ITGA5: variants seen among roughly 807,000 people sequenced by gnomAD.
ITGA5 encodes the protein integrin alpha-5.
ITGA5 carries 55 observed loss-of-function variants against 146.3 expected under a neutral mutation model. The ratio of observed to expected loss-of-function variants is 0.38; its 90% CI spans 0.30 to 0.47. The LOEUF (loss-of-function observed/expected upper bound fraction) is 0.47. Ranked by LOEUF, ITGA5 falls within the 20% of genes least tolerant of loss-of-function variation. The pLI, the probability that ITGA5 is intolerant of heterozygous loss-of-function variation, is 0.99. For synonymous variants in ITGA5, 500 were observed against 531.8 expected (o/e 0.94, Z 0.82); for missense variants, 1,131 against 1,329.0 (o/e 0.85, Z 2.32).
chr12:54,414,736 A>G (rs1036813896), intron 1 of ITGA5, among the ~76,000 whole-genome samples: 6 of 151,002 alleles, frequency 4.0e-5, no homozygotes, highest in African/African-American at 7.4e-5. Flanking sequence ...AGTCCCACCT[A>G]CTAGGGAGGC....
At chr12:54,400,802 T>G in intron 25 of ITGA5, 44 bp downstream of exon 25, 1 of 1,598,782 alleles carries the variant, frequency 6.3e-7, no homozygotes, top group Non-Finnish European at 8.5e-7. Context: ...GCCTTGGTCC[T>G]CTGAATCTGC....
At chr12:54,408,281 G>C (rs779059064) in intron 6 of ITGA5, 46 bp from the exon 7 acceptor site, 33 of 1,607,328 alleles carry the variant, frequency 2.1e-5, no homozygotes, top group Non-Finnish European at 2.7e-5. Flanking sequence ...AAGTGGCAGA[G>C]GGGGCTTGGG....
rs1565636358 is a variant in ITGA5, at chr12:54,395,821, A to T, written c.*472T>A. On this transcript the variant is annotated 3_prime_UTR_variant, in exon 30 of 30. Transcript: ENST00000293379. ...GGCCCACCAGGGTGGGGCTGTCCAG[A>T]GCTGCCAGGTCTTAACTCCCCAAGT... 1 of 163,598 alleles carries T rather than the reference A, an allele frequency of 6.1e-6. No individual in the cohort carries two copies. Among genetic ancestry groups the T allele is most frequent in the East Asian group, 1.8e-4 (1 of 5,412 alleles). The allele number at this position is 163,598 out of a possible 1,614,324, so 10.1% of individuals were successfully genotyped here. A position where few individuals can be genotyped will look rare whatever the true frequency, so the allele number is the denominator to read the frequency against.
At chr12:54,406,669 G>A (rs1955870152) in intron 9 of ITGA5, among the ~76,000 whole-genome samples, 1 of 152,220 alleles carries the variant, frequency 6.6e-6, no homozygotes, top group Non-Finnish European at 1.5e-5. Context: ...CAGCTCATGA[G>A]TCTGCTAAGT....
At chr12:54,417,820 A>G (rs907806102) in intron 1 of ITGA5, among the ~76,000 whole-genome samples, 4 of 152,106 alleles carry the variant, frequency 2.6e-5, no homozygotes, top group Non-Finnish European at 5.9e-5. Flanking sequence ...GGAATCTGGC[A>G]TCTATGGCCT....
At chr12:54,404,015 T>A in intron 15 of ITGA5, 49 bp from the exon 16 acceptor site, 1 of 1,601,404 alleles carries the variant, frequency 6.2e-7, no homozygotes, top group Non-Finnish European at 8.6e-7. Context: ...GGAACAGACA[T>A]CCTATCCTCT....
chr12:54,407,562 C>T (rs1955882588), intron 9 of ITGA5, 87 bp downstream of exon 9: 2 of 1,145,048 alleles, frequency 1.7e-6, no homozygotes, highest in African/African-American at 1.5e-5. Flanking sequence ...TCTGATCCAC[C>T]TTTTTGAGCC....
Position 54,405,371 on chromosome 12 carries a change from C to G in ITGA5, c.1020G>C (p.Leu340=). The part of the protein sequence containing the change: ...VAATDVNGDG[L]DDLLVGAPLL... ...GGGGTGCCCCCACCAGCAAGTCATCCAGCCTGAGGGGAAGGGCAAACCCAG... is the reference window on the plus strand; with the variant it reads ...GGGGTGCCCCCACCAGCAAGTCATCGAGCCTGAGGGGAAGGGCAAACCCAG... Residue 340 remains leucine, a synonymous_variant, in exon 12 of 30, where the codon CTG becomes CTC. Coordinates refer to ENST00000293379, the MANE Select transcript of ITGA5 (RefSeq NM_002205.5). 6.2e-7 allele frequency: 1 copy of G among 1,602,050 alleles called. No homozygotes were observed. Among genetic ancestry groups the G allele is most frequent in the Non-Finnish European group, 8.5e-7 (1 of 1,173,744 alleles).
chr12:54,419,035 G>A lies in ITGA5; in HGVS notation c.164C>T (p.Pro55Leu), dbSNP rs1565646626. The change falls in exon 1 of 30, where the codon CCC (proline) becomes CTC (leucine). Residue 55 changes from proline (P) to leucine (L), a missense_variant. Pro to Leu is a moderately conservative substitution (Grantham distance 98). Transcript: ENST00000293379. ...DAEAPAVLSG[P>L]PGSFFGFSVE... ...TGAGAATCCGAAGAAGGAGCCCGGG[G>A]GCCCCGAGAGTACTGCTGGGGCCTC... 6.3e-7 allele frequency: 1 copy of A among 1,598,938 alleles called. No homozygotes were observed. The highest frequency in any genetic ancestry group is 8.5e-7 in the Non-Finnish European group (1 of 1,174,236).
At chr12:54,400,179 C>A in intron 25 of ITGA5, 1 of 528,244 alleles carries the variant, frequency 1.9e-6, no homozygotes, top group Non-Finnish European at 3.4e-6. Context: ...ATAATTAGGT[C>A]TGTGTTCCTG....
At chr12:54,397,291 T>C in intron 29 of ITGA5, 74 bp downstream of exon 29, 2 of 1,560,140 alleles carry the variant, frequency 1.3e-6, no homozygotes, top group Non-Finnish European at 1.8e-6. Flanking sequence ...TAGAGGTAGA[T>C]ACTTGGGACT....
chr12:54,406,888 C>T (rs1955873076), intron 9 of ITGA5, among the ~76,000 whole-genome samples: 1 of 152,144 alleles, frequency 6.6e-6, no homozygotes, highest in Admixed American at 6.5e-5. Flanking sequence ...ACTGCTATGC[C>T]ACTGTATCCA....
chr12:54,403,552 C>G lies in ITGA5; in HGVS notation c.1776+73G>C. On this transcript the variant is annotated intron_variant, in intron 17 of 29. Coordinates refer to ENST00000293379, the MANE Select transcript of ITGA5 (RefSeq NM_002205.5). The surrounding 1 kb of genome is among the most constrained non-coding windows in gnomAD (Gnocchi z 4.9). ...TCACTGGAGTCCCCCAGTCTTTTTC[C>G]CTTCAGGAGGTGCCCTCAGTTCTGT... 6.6e-7 allele frequency: 1 copy of G among 1,509,088 alleles called. No homozygotes were observed. The highest frequency in any genetic ancestry group is 2.3e-5 in the East Asian group (1 of 43,922). The allele number at this position is 1,509,088 out of a possible 1,614,324, so 93.5% of individuals were successfully genotyped here.
chr12:54,412,791 G>A (rs1478749966), intron 1 of ITGA5, among the ~76,000 whole-genome samples: 1 of 152,174 alleles, frequency 6.6e-6, no homozygotes, highest in Non-Finnish European at 1.5e-5. Context: ...CGTCAGCTCT[G>A]CCTCATTCAT....
intron 1 of ITGA5, among the ~76,000 whole-genome samples, chr12:54,415,682 A>T (rs1293947490): frequency 1.3e-5 from 2 of 152,068 alleles, no homozygotes; most frequent in African/African-American, 2.4e-5. Context: ...TTACTGTTTG[A>T]CTCTGTTGGC....
chr12:54,396,453 AAGG>A (rs2120452783), intron 29 of ITGA5, 77 bp from the exon 30 acceptor site: 1 of 1,215,778 alleles, frequency 8.2e-7, no homozygotes. Flanking sequence ...AAGAAGTAAT[AAGG>A]AGGACTCTAG....
At position 54,409,338 on chromosome 12, in the gene ITGA5, C is replaced by G. The variant is rs199879232; in HGVS notation, c.477G>C (p.Leu159=). The G allele has an allele frequency of 3.1e-6, 5 of 1,612,806 alleles. No homozygotes were observed. Among genetic ancestry groups the G allele is most frequent in the Non-Finnish European group, 4.2e-6 (5 of 1,179,588 alleles). The change falls in exon 4 of 30, where the codon CTG becomes CTC. Residue 159 remains leucine, a synonymous_variant. Transcript: ENST00000293379. The surrounding 1 kb of genome is among the most constrained non-coding windows in gnomAD (Gnocchi z 4.7). ...GCTCCTTCTCTGTGCGCCAGCTGTA[C>G]AGTGGAGCGCATGCCTGGGAGGGCC... ...HGSSILACAP[L]YSWRTEKEPL... is the part of the protein sequence containing the mutation.
At chr12:54,407,555 G>A (rs1218558907) in intron 9 of ITGA5, 94 bp downstream of exon 9, 7 of 1,035,572 alleles carry the variant, frequency 6.8e-6, no homozygotes, top group Non-Finnish European at 1.1e-5. Flanking sequence ...CCCATGTTCT[G>A]ATCCACCTTT....
chr12:54,410,552 ATT>A (rs576869414), intron 2 of ITGA5, among the ~76,000 whole-genome samples: 1 of 139,344 alleles, frequency 7.2e-6, no homozygotes, highest in Non-Finnish European at 1.6e-5. Context: ...GTTTATTTTA[ATT>A]TTTTTTTTTT....
Sources: allele counts gnomAD v4.1 joint callset (sites outside exome capture counted in the v4.1 genomes callset), GRCh38; gene constraint gnomAD v4.1.1; non-coding constraint Gnocchi (gnomAD v3.1); transcripts MANE v1.5; gene names NCBI Gene and HGNC (gene_info 2026-07-23, HGNC 2026-07-21).